IHO1: variants seen among roughly 807,000 people sequenced by gnomAD.
IHO1 encodes interactor of HORMAD1 protein 1.
Under a neutral mutation model 31.0 loss-of-function variants are expected in IHO1, and 13 were observed. The ratio of observed to expected loss-of-function variants is 0.42; its 90% CI spans 0.27 to 0.67. IHO1 has a LOEUF of 0.67. Among genes scored for constraint, IHO1 ranks in the 30% least tolerant of loss-of-function variants. IHO1 has a pLI of 0.24. For synonymous variants in IHO1, 221 were observed against 248.4 expected, an observed-to-expected ratio of 0.89 and a Z score of 1.04; for missense variants, 599 against 687.5, an observed-to-expected ratio of 0.87 and a Z score of 1.44.
At chr3:49,195,249 G>A (rs1395906685), upstream of IHO1, among the ~76,000 whole-genome samples, 1 of 151,588 alleles carries the variant, frequency 6.6e-6, no homozygotes, top group African/African-American at 2.4e-5. Context: ...GTGAAACCCC[G>A]TCTCTACTAA....
chr3:49,218,885 A>AT (rs1284016873), intron 2 of IHO1, among the ~76,000 whole-genome samples: 3 of 152,110 alleles, frequency 2.0e-5, no homozygotes, highest in Non-Finnish European at 2.9e-5. Flanking sequence ...AAATAAAAAA[A>AT]TTAGCTGGGC....
At chr3:49,203,719 T>C (rs2046099213) in intron 1 of IHO1, among the ~76,000 whole-genome samples, 1 of 152,248 alleles carries the variant, frequency 6.6e-6, no homozygotes, top group Non-Finnish European at 1.5e-5. Flanking sequence ...TTCTATTTTA[T>C]CTGGCAACCT....
chr3:49,256,214 G>A lies in IHO1; in HGVS notation c.717G>A (p.Gln239=). 1 of 1,614,184 alleles carries A rather than the reference G, an allele frequency of 6.2e-7. No individual in the cohort carries two copies. Among genetic ancestry groups the A allele is most frequent in the Non-Finnish European group, 8.5e-7 (1 of 1,180,008 alleles). Residue 239 remains glutamine (Q), a synonymous_variant, in exon 8 of 8, where the codon CAG becomes CAA. Coordinates refer to ENST00000452691, the MANE Select transcript of IHO1 (RefSeq NM_001135197.2). The surrounding 1 kb of genome is among the most constrained non-coding windows in gnomAD (Gnocchi z 4.6). The part of the protein sequence containing the change: ...VLVAQQSQEF[Q]QLCEQLGQLN... The stretch of plus-strand genomic sequence containing the variant: ...TTGCTCAGCAGAGTCAGGAATTCCA[G>A]CAGCTGTGTGAGCAGCTAGGCCAGC...
chr3:49,208,635 A>T (rs1473073811), intron 1 of IHO1, among the ~76,000 whole-genome samples: 1 of 152,204 alleles, frequency 6.6e-6, no homozygotes, highest in African/African-American at 2.4e-5. Context: ...TTTGCTTTCC[A>T]TCCTGAGAAA....
At chr3:49,254,468 G>C (rs984916246) in intron 6 of IHO1, among the ~76,000 whole-genome samples, 1 of 152,008 alleles carries the variant, frequency 6.6e-6, no homozygotes, top group Non-Finnish European at 1.5e-5. Context: ...CCTGCAGAGA[G>C]AAGCAACACC....
At chr3:49,238,201 G>A (rs1172040297) in intron 3 of IHO1, among the ~76,000 whole-genome samples, 1 of 152,060 alleles carries the variant, frequency 6.6e-6, no homozygotes, top group Non-Finnish European at 1.5e-5. Flanking sequence ...ACCATGCCCA[G>A]CCTGATTCTT....
At chr3:49,200,524 A>AGG (rs2046055644) in intron 1 of IHO1, 1 of 954,366 alleles carries the variant, frequency 1.0e-6, no homozygotes, top group South Asian at 4.9e-5. Context: ...AGAAAAGAAA[A>AGG]AAGATTGTCG....
chr3:49,220,954 C>T (rs543758023), intron 2 of IHO1, among the ~76,000 whole-genome samples: 28 of 152,322 alleles, frequency 1.8e-4, no homozygotes, highest in Middle Eastern at 3.4e-3. Flanking sequence ...GGGACCCGAA[C>T]GGGTTGCCGC....
upstream of IHO1, among the ~76,000 whole-genome samples, chr3:49,195,104 T>A (rs1305406925): frequency 6.6e-6 from 1 of 151,756 alleles, no homozygotes; most frequent in African/African-American, 2.4e-5. Context: ...AATAAATAAT[T>A]TTAAAAATGT....
chr3:49,209,550 A>C (rs1391995200), intron 1 of IHO1, among the ~76,000 whole-genome samples: 1 of 151,466 alleles, frequency 6.6e-6, no homozygotes, highest in African/African-American at 2.4e-5. Flanking sequence ...GCAGGAGAAT[A>C]GCTTGAGCCC....
rs751377558 is a variant in IHO1, at chr3:49,244,640, T to C, written c.445-6T>C. 6.8e-6 allele frequency: 11 copies of C among 1,610,086 alleles called. No individual in the cohort carries two copies. In the South Asian group the frequency reaches 9.9e-5, roughly 14 times the overall value. On this transcript the variant is annotated splice_polypyrimidine_tract_variant and splice_region_variant and intron_variant, in intron 5 of 7. Transcript: ENST00000452691. ...GTGAATTATTTCATAATTTTGGGTT[T>C]CTTAGTTGCAGACGTCTGTGGAAAA...
chr3:49,244,381 T>G (rs1364730571), intron 4 of IHO1, 23 bp from the exon 5 acceptor site: 1 of 1,417,138 alleles, frequency 7.1e-7, no homozygotes, highest in South Asian at 1.2e-5. Flanking sequence ...AAGATTTGTT[T>G]TCTTTTTTCC....
intron 3 of IHO1, among the ~76,000 whole-genome samples, chr3:49,239,336 C>T (rs2046598998): frequency 6.6e-6 from 1 of 151,284 alleles, no homozygotes; most frequent in Non-Finnish European, 1.5e-5. Context: ...GACTGGAGTG[C>T]AGTGGCATGA....
At chr3:49,207,942 T>A (rs1575564734) in intron 1 of IHO1, among the ~76,000 whole-genome samples, 2 of 152,092 alleles carry the variant, frequency 1.3e-5, no homozygotes, top group African/African-American at 4.8e-5. Context: ...CCTGGCTAAT[T>A]TTTGTATTTT....
At chr3:49,204,240 C>T (rs1236542264) in intron 1 of IHO1, among the ~76,000 whole-genome samples, 1 of 152,140 alleles carries the variant, frequency 6.6e-6, no homozygotes, top group African/African-American at 2.4e-5. Flanking sequence ...TAAATTTCAA[C>T]ATAAGTTTTT....
At chr3:49,203,489 A>G (rs1321166061) in intron 1 of IHO1, among the ~76,000 whole-genome samples, 3 of 152,086 alleles carry the variant, frequency 2.0e-5, no homozygotes, top group African/African-American at 7.2e-5. Flanking sequence ...GGTTACTGTA[A>G]CTCTGGCTGC....
At chr3:49,195,732 AAAATAATAAAT>A (rs1354971089), upstream of IHO1, among the ~76,000 whole-genome samples, 9 of 151,868 alleles carry the variant, frequency 5.9e-5, no homozygotes, top group African/African-American at 9.7e-5. Flanking sequence ...AACAACAACA[AAAATAATAAAT>A]AAATAATAAA....
chr3:49,206,045 G>A (rs997428354), intron 1 of IHO1, among the ~76,000 whole-genome samples: 7 of 151,158 alleles, frequency 4.6e-5, no homozygotes, highest in Non-Finnish European at 1.5e-5. Context: ...CTCACTGCAA[G>A]CTCCACTTCC....
chr3:49,228,048 G>A (rs1298837495), intron 2 of IHO1, among the ~76,000 whole-genome samples: 1 of 152,150 alleles, frequency 6.6e-6, no homozygotes, highest in Non-Finnish European at 1.5e-5. Context: ...ACCAGACAAG[G>A]AGTGGTTTTT....
Sources: allele counts gnomAD v4.1 joint callset (sites outside exome capture counted in the v4.1 genomes callset), GRCh38; gene constraint gnomAD v4.1.1; non-coding constraint Gnocchi (gnomAD v3.1); transcripts MANE v1.5; gene names NCBI Gene and HGNC (gene_info 2026-07-23, HGNC 2026-07-21).